Variants in BMP7 observed in about 807,000 individuals in gnomAD.
BMP7 encodes the protein bone morphogenetic protein 7, also known as osteogenic protein 1.
BMP7 carries 12 observed loss-of-function variants against 41.2 expected under a neutral mutation model. The observed-to-expected ratio is 0.29, with a 90% CI of 0.19 to 0.47. BMP7 has a LOEUF of 0.47. BMP7 is among the 20% of genes least tolerant of loss of function. BMP7 has a pLI of 0.99. For missense variants in BMP7, 467 were observed against 606.0 expected (o/e 0.77, Z 2.41); for synonymous variants, 248 against 250.0 (o/e 0.99, Z 0.07).
chr20:57,190,200 G>C (rs930900430), intron 3 of BMP7, among the ~76,000 whole-genome samples: 9 of 151,666 alleles, frequency 5.9e-5, no homozygotes, highest in African/African-American at 2.2e-4. Flanking sequence ...AGGCCAGAGA[G>C]AGTGAGCGAG....
At chr20:57,181,613 G>A (rs1018370196) in intron 4 of BMP7, among the ~76,000 whole-genome samples, 1 of 152,158 alleles carries the variant, frequency 6.6e-6, no homozygotes, top group African/African-American at 2.4e-5. Context: ...AACAATACAA[G>A]CGGATTATAG....
In BMP7 at chr20:57,170,265, A is replaced by G. The variant is rs778431422; in HGVS notation, c.*694T>C. The stretch of plus-strand genomic sequence containing the variant: ...GAACATATTTTTCCTCCAAAGATCA[A>G]CACACCGCCCTCCTCGGAGCAGACA... On this transcript the variant is annotated 3_prime_UTR_variant, in exon 7 of 7. Coordinates refer to ENST00000395863, the MANE Select transcript of BMP7 (RefSeq NM_001719.3). The G allele has an allele frequency of 1.9e-5, 3 of 155,450 alleles. No homozygotes were observed. The highest frequency in any genetic ancestry group is 1.9e-4 in the Admixed American group (3 of 16,030). The allele number at this position is 155,450 out of a possible 1,614,324, so 9.6% of individuals were successfully genotyped here.
chr20:57,225,361 G>A (rs996990494), intron 2 of BMP7, among the ~76,000 whole-genome samples: 1 of 152,204 alleles, frequency 6.6e-6, no homozygotes, highest in Non-Finnish European at 1.5e-5. Context: ...ACCACCCAGG[G>A]CTCTTGTCTT....
At chr20:57,212,284 G>A (rs1984909162) in intron 2 of BMP7, among the ~76,000 whole-genome samples, 1 of 152,326 alleles carries the variant, frequency 6.6e-6, no homozygotes, top group East Asian at 1.9e-4. Flanking sequence ...AAGCGTTCCC[G>A]GCAGAGAGAA....
chr20:57,247,688 T>C (rs2066095837), intron 1 of BMP7, among the ~76,000 whole-genome samples: 1 of 152,142 alleles, frequency 6.6e-6, no homozygotes, highest in African/African-American at 2.4e-5. Flanking sequence ...GGCAGGCGTT[T>C]CTTTCAAGCA....
At chr20:57,230,116 C>T (rs1041801301) in intron 1 of BMP7, among the ~76,000 whole-genome samples, 3 of 152,092 alleles carry the variant, frequency 2.0e-5, no homozygotes, top group East Asian at 1.9e-4. Flanking sequence ...GGAGAGCTGG[C>T]GGGAGGGAAG....
intron 1 of BMP7, among the ~76,000 whole-genome samples, chr20:57,235,480 G>C (rs1306911921): frequency 6.6e-6 from 1 of 152,196 alleles, no homozygotes; most frequent in Non-Finnish European, 1.5e-5. Context: ...GAGGCCAAAG[G>C]AGACACAGTC....
chr20:57,265,587 C>A, intron 1 of BMP7, 118 bp downstream of exon 1: 1 of 1,472,688 alleles, frequency 6.8e-7, no homozygotes, highest in Non-Finnish European at 9.2e-7. Context: ...CGGGCAGGCA[C>A]TGCGATTTCA....
intron 4 of BMP7, 28 bp from the exon 5 acceptor site, chr20:57,175,035 G>C (rs1248422910): frequency 6.3e-7 from 1 of 1,598,208 alleles, no homozygotes; most frequent in East Asian, 2.2e-5. Flanking sequence ...TGAAGAAGCA[G>C]AGCCCAGTGA....
rs139956588 is a variant in BMP7 at position 57,179,351 on chromosome 20, G to C, written c.959-4344C>G. Reference sequence around the variant, plus strand: ...GATTCATCCACCTCCTCAACCCCCTGCTTGGGCCGCAGACAAGTCAGGACT... The same window carrying C: ...GATTCATCCACCTCCTCAACCCCCTCCTTGGGCCGCAGACAAGTCAGGACT... On this transcript the variant is annotated intron_variant, in intron 4 of 6. Transcript: ENST00000395863. Among the ~76,000 whole-genome samples, 692 of 152,330 alleles carry C rather than the reference G, an allele frequency of 4.5e-3. 2 individuals carry two copies. Among genetic ancestry groups the C allele is most frequent in the Non-Finnish European group, 7.5e-3 (511 of 68,034 alleles).
chr20:57,248,639 T>G lies in BMP7; in HGVS notation c.418+17066A>C, dbSNP rs538211634. ...TAGGGGGAGGTGGGAAGCTCATGGA[T>G]GCTTGGACAGTATCACTGAGCTGCC... On this transcript the variant is annotated intron_variant, in intron 1 of 6. Transcript: ENST00000395863. Among the ~76,000 whole-genome samples, 4 of 152,310 alleles carry G rather than the reference T, an allele frequency of 2.6e-5. No homozygotes were observed. In the South Asian group the frequency reaches 8.3e-4, roughly 32 times the overall value.
chr20:57,191,634 G>A (rs1984359786), intron 3 of BMP7, among the ~76,000 whole-genome samples: 1 of 151,410 alleles, frequency 6.6e-6, no homozygotes, highest in South Asian at 2.1e-4. Flanking sequence ...GGAGGCTGAG[G>A]CACAAGAATC....
intron 3 of BMP7, among the ~76,000 whole-genome samples, chr20:57,194,642 T>A (rs1489778230): frequency 6.6e-6 from 1 of 152,200 alleles, no homozygotes; most frequent in Non-Finnish European, 1.5e-5. Context: ...ATTCCATCGT[T>A]GCTTCTCAAC....
At chr20:57,209,285 A>G (rs7344664) in intron 2 of BMP7, among the ~76,000 whole-genome samples, 7 of 129,950 alleles carry the variant, frequency 5.4e-5, no homozygotes, top group Admixed American at 1.5e-4. Flanking sequence ...ATATATATAT[A>G]TGTATATAAA....
intron 1 of BMP7, among the ~76,000 whole-genome samples, chr20:57,256,177 C>T (rs148281699): frequency 6.6e-6 from 1 of 152,256 alleles, no homozygotes; most frequent in African/African-American, 2.4e-5. Flanking sequence ...CAAGAGGAAC[C>T]CACTGGGAGT....
chr20:57,239,268 G>A (rs1447807505), intron 1 of BMP7, among the ~76,000 whole-genome samples: 1 of 152,102 alleles, frequency 6.6e-6, no homozygotes, highest in African/African-American at 2.4e-5. Flanking sequence ...GGGGTTACAG[G>A]GCCCATGCAA....
At position 57,261,606 on chromosome 20, in the gene BMP7, T is replaced by C. The variant is rs997644683; in HGVS notation, c.418+4099A>G. Among the ~76,000 whole-genome samples the C allele has an allele frequency of 6.6e-6, 1 of 152,182 alleles. No individual in the cohort carries two copies. Among genetic ancestry groups the C allele is most frequent in the South Asian group, 2.1e-4 (1 of 4,832 alleles). On this transcript the variant is annotated intron_variant, in intron 1 of 6. Transcript: ENST00000395863. The surrounding 1 kb of genome is among the most constrained non-coding windows in gnomAD (Gnocchi z 4.1). ...ACGAAAAACACAGCTGTTGGTGCAC[T>C]CCTATAGCAAAGGCGCTCTGCAGAA...
At chr20:57,212,516 T>C (rs1377023962) in intron 2 of BMP7, among the ~76,000 whole-genome samples, 1 of 152,186 alleles carries the variant, frequency 6.6e-6, no homozygotes, top group Non-Finnish European at 1.5e-5. Flanking sequence ...ACTCTGCTGC[T>C]CTTTGGAAAA....
At chr20:57,183,655 G>A in intron 4 of BMP7, 67 bp downstream of exon 4, 2 of 1,599,994 alleles carry the variant, frequency 1.3e-6, no homozygotes, top group Non-Finnish European at 1.7e-6. Flanking sequence ...TCAGTCTCCT[G>A]CCGGGTCCCG....
Sources: gnomAD v4.1 joint callset for allele counts (sites outside exome capture counted in the v4.1 genomes callset) on GRCh38, gnomAD v4.1.1 for gene constraint, Gnocchi (gnomAD v3.1) non-coding constraint, MANE v1.5 for transcripts, NCBI Gene and HGNC (gene_info 2026-07-23, HGNC 2026-07-21) for gene names.